SUPT6H: variants seen among roughly 807,000 people sequenced by gnomAD.
SUPT6H encodes the protein SPT6 homolog, histone chaperone and transcription elongation factor, also known as transcription elongation factor SPT6.
SUPT6H carries 11 observed loss-of-function variants against 222.3 expected under a neutral mutation model. The ratio of observed to expected loss-of-function variants is 0.05; its 90% CI spans 0.03 to 0.08. SUPT6H has a LOEUF of 0.08. Ranked by LOEUF, SUPT6H falls within the 10% of genes least tolerant of loss-of-function variation. The pLI is 1.00. For synonymous variants in SUPT6H, 762 were observed against 801.2 expected, an observed-to-expected ratio of 0.95 and a Z score of 0.83; for missense variants, 1,422 against 2,216.0, an observed-to-expected ratio of 0.64 and a Z score of 7.19.
chr17:28,678,721 C>G, intron 10 of SUPT6H, 87 bp downstream of exon 10: 1 of 1,610,224 alleles, frequency 6.2e-7, no homozygotes, highest in Non-Finnish European at 8.5e-7. Context: ...CCCCCCAGGC[C>G]TGTCTAGTCC....
chr17:28,697,506 A>C (rs1411100250), intron 30 of SUPT6H, 114 bp from the exon 31 acceptor site: 1 of 747,940 alleles, frequency 1.3e-6, no homozygotes. Context: ...AACTGAGGGG[A>C]CTTTGCTATG....
intron 5 of SUPT6H, 98 bp downstream of exon 5, chr17:28,675,260 C>G (rs1214072657): frequency 1.1e-5 from 17 of 1,479,392 alleles, no homozygotes; most frequent in Non-Finnish European, 1.5e-5. Context: ...CTACATCCCC[C>G]AGCATTTGAC....
chr17:28,701,202 C>T, intron 36 of SUPT6H, 74 bp downstream of exon 36: 1 of 1,522,874 alleles, frequency 6.6e-7, no homozygotes, highest in Non-Finnish European at 8.8e-7. Context: ...AAAGGCTTAG[C>T]AGAGGCAGGT....
In SUPT6H at chr17:28,683,413, G is replaced by A. The variant is rs2031220075; in HGVS notation, c.2024G>A (p.Gly675Glu). ...LTTDISIDLK[G>E]VEGYGNDQTY... ...ACTGACATCAGCATAGATTTGAAGG[G>A]AGTGGAAGGGTAAGCAGAGCCCTGG... Residue 675 changes from glycine (G) to glutamate (E), a missense_variant, in exon 16 of 37, where the codon GGA (glycine) becomes GAA (glutamate). Physicochemically the swap from Gly to Glu is moderately conservative, Grantham distance 98 (BLOSUM62 -2). Transcript: ENST00000314616. 3 of 1,614,194 alleles carry A rather than the reference G, an allele frequency of 1.9e-6. No individual in the cohort carries two copies. The East Asian group carries it at 6.7e-5, about 36-fold the overall frequency.
intron 17 of SUPT6H, 98 bp from the exon 18 acceptor site, chr17:28,684,488 G>T: frequency 1.4e-6 from 2 of 1,437,060 alleles, no homozygotes; most frequent in Non-Finnish European, 1.9e-6. Flanking sequence ...ACACACCCTC[G>T]CACATGTGTG....
Position 28,701,544 on chromosome 17 carries a change from C to G in SUPT6H, c.5100C>G (p.Pro1700=). ...RKQKQRLTPR[P]SPSPMIESTP... The stretch of plus-strand genomic sequence containing the variant: ...AGAAGCAGCGGCTGACACCTCGGCC[C>G]TCCCCCAGCCCCATGATCGAAAGCA... Residue 1700 remains proline (P), a synonymous_variant, in exon 37 of 37, where the codon CCC becomes CCG. Coordinates refer to ENST00000314616, the MANE Select transcript of SUPT6H (RefSeq NM_003170.5). The G allele has an allele frequency of 2.5e-6, 4 of 1,614,136 alleles. No homozygotes were observed. Among genetic ancestry groups the G allele is most frequent in the Non-Finnish European group, 2.5e-6 (3 of 1,180,020 alleles).
At chr17:28,662,894 C>A (rs1230947259) in intron 1 of SUPT6H, among the ~76,000 whole-genome samples, 1 of 152,214 alleles carries the variant, frequency 6.6e-6, no homozygotes, top group Non-Finnish European at 1.5e-5. Flanking sequence ...TCTATAGATT[C>A]ATTTCCTCAA....
chr17:28,690,349 A>G, intron 26 of SUPT6H, 120 bp downstream of exon 26: 4 of 1,278,806 alleles, frequency 3.1e-6, no homozygotes, highest in Non-Finnish European at 4.3e-6. Flanking sequence ...GAAGGCCAGG[A>G]GAGCATTTTA....
At chr17:28,672,705 CGCCTG>C (rs1567686423) in intron 1 of SUPT6H, 1 of 151,756 alleles carries the variant, frequency 6.6e-6, no homozygotes, top group Non-Finnish European at 1.5e-5. Context: ...TGAGCTACCA[CGCCTG>C]GCCTAATGGC....
At chr17:28,694,656 A>G (rs890329362) in intron 28 of SUPT6H, among the ~76,000 whole-genome samples, 2 of 152,230 alleles carry the variant, frequency 1.3e-5, no homozygotes, top group Non-Finnish European at 2.9e-5. Flanking sequence ...AGAAGGGCTC[A>G]TATCAAGGGT....
chr17:28,665,398 A>T (rs751723082), intron 1 of SUPT6H, among the ~76,000 whole-genome samples: 1 of 152,206 alleles, frequency 6.6e-6, no homozygotes, highest in Non-Finnish European at 1.5e-5. Context: ...CCTGCACCAG[A>T]ATACGGGCAT....
At position 28,700,911 on chromosome 17, in the gene SUPT6H, A is replaced by G. The variant is rs746670005; in HGVS notation, c.4807-30A>G. On this transcript the variant is annotated intron_variant, in intron 35 of 36. Transcript: ENST00000314616. ...GCAAGGCCAAACAAGCCCCACACCC[A>G]TCCCTATTTAACTGTTCATGCCTCT... The G allele has an allele frequency of 3.2e-6, 5 of 1,585,258 alleles. No individual in the cohort carries two copies. In the Admixed American group the frequency reaches 6.9e-5, roughly 22 times the overall value.
chr17:28,672,095 C>G (rs1214260913), intron 1 of SUPT6H, among the ~76,000 whole-genome samples: 1 of 152,190 alleles, frequency 6.6e-6, no homozygotes, highest in Admixed American at 6.5e-5. Context: ...CAAATTGGCT[C>G]AAGTTCATGA....
chr17:28,677,771 C>T lies in SUPT6H; in HGVS notation c.954C>T (p.Asp318=). ...ATGATGAACTAGAAGAAGAAGCTGA[C>T]TGGATCTACAGGAATGCTTTTGCCA... ...AEDDELEEEA[D]WIYRNAFATP... Residue 318 remains aspartate, a synonymous_variant, in exon 8 of 37, where the codon GAC becomes GAT. Coordinates refer to ENST00000314616, the MANE Select transcript of SUPT6H (RefSeq NM_003170.5). 1 of 1,614,248 alleles carries T rather than the reference C, an allele frequency of 6.2e-7. No homozygotes were observed. The highest frequency in any genetic ancestry group is 1.1e-5 in the South Asian group (1 of 91,086).
chr17:28,682,053 A>G (rs1192384395), intron 13 of SUPT6H, 73 bp downstream of exon 13: 2 of 1,282,656 alleles, frequency 1.6e-6, no homozygotes, highest in African/African-American at 1.5e-5. Context: ...AAAGACTGGT[A>G]GGTAGGAAAA....
At chr17:28,675,329 G>T in intron 5 of SUPT6H, 72 bp from the exon 6 acceptor site, 1 of 1,571,950 alleles carries the variant, frequency 6.4e-7, no homozygotes, top group Non-Finnish European at 8.7e-7. Flanking sequence ...CACTCACATA[G>T]TAGGAACCAA....
chr17:28,687,041 G>A, intron 21 of SUPT6H, 47 bp from the exon 22 acceptor site: 1 of 1,599,976 alleles, frequency 6.3e-7, no homozygotes, highest in African/African-American at 1.3e-5. Flanking sequence ...TCTTGATGTT[G>A]TAGCTAAGGG....
rs1194491615 is a variant in SUPT6H at position 28,701,657 on chromosome 17, GA to G, written c.*33del. The G allele has an allele frequency of 1.3e-6, 2 of 1,574,962 alleles. No individual in the cohort carries two copies. The highest frequency in any genetic ancestry group is 4.5e-5 in the East Asian group (2 of 44,354). ...TGCTCCTCGGACTCTGGTTACCTCT[GA>G]GGCTGGGAAAGGCCTGGCTGCCCAC... On this transcript the variant is annotated 3_prime_UTR_variant, in exon 37 of 37. Transcript: ENST00000314616.
chr17:28,697,165 T>A, intron 30 of SUPT6H, 83 bp downstream of exon 30: 1 of 1,176,500 alleles, frequency 8.5e-7, no homozygotes, highest in Non-Finnish European at 1.3e-6. Context: ...CTGACATTAG[T>A]AACTCGGGTC....
Sources: allele counts gnomAD v4.1 joint callset (sites outside exome capture counted in the v4.1 genomes callset), GRCh38; gene constraint gnomAD v4.1.1; transcripts MANE v1.5; gene names NCBI Gene and HGNC (gene_info 2026-07-23, HGNC 2026-07-21).